Variants in RALGPS1 observed in about 807,000 individuals in gnomAD.
The protein encoded by RALGPS1 is Ral GEF with PH domain and SH3 binding motif 1, also known as ras-specific guanine nucleotide-releasing factor RalGPS1.
A neutral mutation model predicts 78.8 loss-of-function variants in RALGPS1; 19 were observed. That is an observed-to-expected ratio of 0.24 (90% CI 0.17 to 0.35). The LOEUF is 0.35. Among genes scored for constraint, RALGPS1 ranks in the 10% least tolerant of loss-of-function variants. RALGPS1 has a pLI of 1.00. For synonymous variants in RALGPS1, 228 were observed against 256.3 expected (o/e 0.89, Z 1.06); for missense variants, 454 against 688.3 (o/e 0.66, Z 3.81).
rs2036674073 is a variant in RALGPS1, at chr9:126,940,519, A to G, written c.-65-21706A>G. On this transcript the variant is annotated intron_variant, in intron 1 of 18. Coordinates refer to ENST00000259351, the MANE Select transcript of RALGPS1 (RefSeq NM_014636.3). ...CAGTGGCGCGATCTTGGCTCACTGCAAGCTCTGCCTCCCGGGTTCACGCCA... is the reference window on the plus strand; with the variant it reads ...CAGTGGCGCGATCTTGGCTCACTGCGAGCTCTGCCTCCCGGGTTCACGCCA... Among the ~76,000 whole-genome samples, 6 of 147,902 alleles carry G rather than the reference A, an allele frequency of 4.1e-5. No individual in the cohort carries two copies. The Admixed American group carries it at 4.1e-4, about 10-fold the overall frequency.
chr9:127,153,184 C>G lies in RALGPS1; in HGVS notation c.611-12885C>G, dbSNP rs79851537. On this transcript the variant is annotated intron_variant, in intron 8 of 18. Transcript: ENST00000259351. ...AATCCTACCATTGTCACAGAGTGACCTTGGGCAGATTACTTTACATCTCTG... is the reference window on the plus strand; with the variant it reads ...AATCCTACCATTGTCACAGAGTGACGTTGGGCAGATTACTTTACATCTCTG... 2.6e-5 allele frequency among the ~76,000 whole-genome samples: 4 copies of G among 152,222 alleles called. No homozygotes were observed. In the East Asian group the frequency reaches 7.7e-4, roughly 29 times the overall value.
At chr9:127,030,068 G>C (rs1284201817) in intron 4 of RALGPS1, among the ~76,000 whole-genome samples, 1 of 152,174 alleles carries the variant, frequency 6.6e-6, no homozygotes, top group African/African-American at 2.4e-5. Context: ...ATGTCTAAAT[G>C]AATTTTTTGT....
intron 8 of RALGPS1, among the ~76,000 whole-genome samples, chr9:127,114,026 A>G (rs562836109): frequency 6.6e-6 from 1 of 152,324 alleles, no homozygotes; most frequent in South Asian, 2.1e-4. Flanking sequence ...GAAATGAGAA[A>G]AGTTCCAGCA....
chr9:127,032,940 G>A (rs1353255040), intron 4 of RALGPS1, among the ~76,000 whole-genome samples: 2 of 151,980 alleles, frequency 1.3e-5, no homozygotes, highest in African/African-American at 4.8e-5. Flanking sequence ...CTCTGCTTTT[G>A]AAAAGAAGTA....
At chr9:127,112,801 C>T (rs2137294441) in intron 8 of RALGPS1, among the ~76,000 whole-genome samples, 1 of 152,346 alleles carries the variant, frequency 6.6e-6, no homozygotes, top group African/African-American at 2.4e-5. Context: ...TGGGTGTGGG[C>T]CAGGCAGTGT....
rs548469290 is a variant in RALGPS1, at chr9:127,173,282, C to T, written c.843-1433C>T. ...CCTTCATTTCCATCAGAGGAGCTGC[C>T]GTGCTCTCCACCTAGTTCCTTAGCA... On this transcript the variant is annotated intron_variant, in intron 10 of 18. Coordinates refer to ENST00000259351, the MANE Select transcript of RALGPS1 (RefSeq NM_014636.3). 2.6e-5 allele frequency among the ~76,000 whole-genome samples: 4 copies of T among 152,270 alleles called. No homozygotes were observed. In the East Asian group the frequency reaches 5.8e-4, roughly 22 times the overall value.
At chr9:126,921,769 G>C (rs182431974) in intron 1 of RALGPS1, among the ~76,000 whole-genome samples, 36 of 152,288 alleles carry the variant, frequency 2.4e-4, no homozygotes, top group Admixed American at 2.3e-3. Context: ...GCCTTTGTGT[G>C]GTTCGTACAG....
intron 1 of RALGPS1, among the ~76,000 whole-genome samples, chr9:126,952,656 A>AGAGAGAGTGT (rs1554763340): frequency 5.0e-5 from 7 of 138,920 alleles, no homozygotes; most frequent in African/African-American, 1.8e-4. Context: ...AGAGAGAGAG[A>AGAGAGAGTGT]GTGTGTGTGT....
At chr9:127,148,452 A>G (rs1414382017) in intron 8 of RALGPS1, among the ~76,000 whole-genome samples, 3 of 152,248 alleles carry the variant, frequency 2.0e-5, no homozygotes, top group African/African-American at 7.2e-5. Flanking sequence ...TTAGCTGAGA[A>G]AGTGCTTAGC....
At chr9:127,050,156 C>G in intron 6 of RALGPS1, 24 bp downstream of exon 6, 2 of 1,542,360 alleles carry the variant, frequency 1.3e-6, no homozygotes, top group Non-Finnish European at 1.8e-6. Context: ...TATTATTTTT[C>G]CTTCCTTTCC....
chr9:127,047,707 A>C (rs2047934126), intron 5 of RALGPS1, among the ~76,000 whole-genome samples: 1 of 151,894 alleles, frequency 6.6e-6, no homozygotes, highest in Non-Finnish European at 1.5e-5. Context: ...TCAAAAAAAA[A>C]AAAAAAGGAA....
At chr9:127,085,265 G>A (rs1343993953) in intron 8 of RALGPS1, among the ~76,000 whole-genome samples, 1 of 152,130 alleles carries the variant, frequency 6.6e-6, no homozygotes, top group Non-Finnish European at 1.5e-5. Flanking sequence ...AGAAAGTCTG[G>A]GCTTCATTGA....
intron 8 of RALGPS1, among the ~76,000 whole-genome samples, chr9:127,083,902 C>CTTGTTTGT (rs779587923): frequency 6.6e-6 from 1 of 151,952 alleles, no homozygotes; most frequent in Non-Finnish European, 1.5e-5. Context: ...AGATGGTCAG[C>CTTGTTTGT]TTGTTTGTTT....
At chr9:127,072,166 T>G (rs1007927995) in intron 8 of RALGPS1, among the ~76,000 whole-genome samples, 14 of 152,380 alleles carry the variant, frequency 9.2e-5, no homozygotes, top group African/African-American at 3.4e-4. Context: ...ACTTCATTCC[T>G]TCTTATTGCC....
intron 14 of RALGPS1, chr9:127,210,625 G>A (rs2062194835): frequency 2.5e-6 from 3 of 1,186,634 alleles, no homozygotes; most frequent in Non-Finnish European, 3.7e-6. Flanking sequence ...TTGTCGGGGT[G>A]CTCTTGCCTC....
rs1382737649 is a variant in RALGPS1 at position 126,997,323 on chromosome 9, G to A, written c.216+19578G>A. On this transcript the variant is annotated intron_variant, in intron 4 of 18. Transcript: ENST00000259351. ...AAATCTCCTCAAGCTGATAACTTCA[G>A]CAAAGTCTCAGGATTCAAAATCAAT... is the stretch of plus-strand genomic sequence containing the variant. Among the ~76,000 whole-genome samples the A allele has an allele frequency of 7.2e-5, 11 of 152,342 alleles. No homozygotes were observed. The East Asian group carries it at 1.9e-3, about 27-fold the overall frequency.
chr9:127,114,973 A>G (rs2055243862), intron 8 of RALGPS1, among the ~76,000 whole-genome samples: 1 of 152,210 alleles, frequency 6.6e-6, no homozygotes, highest in Admixed American at 6.5e-5. Flanking sequence ...GAAGTATCCA[A>G]ACCAGTTGGT....
chr9:127,177,260 T>C (rs2059933531), intron 11 of RALGPS1, among the ~76,000 whole-genome samples: 1 of 152,090 alleles, frequency 6.6e-6, no homozygotes, highest in Non-Finnish European at 1.5e-5. Context: ...TGGTATACAC[T>C]AGCCCAAGTG....
intron 8 of RALGPS1, among the ~76,000 whole-genome samples, chr9:127,139,591 G>A (rs1162463389): frequency 6.6e-6 from 1 of 152,242 alleles, no homozygotes; most frequent in African/African-American, 2.4e-5. Flanking sequence ...GCAAGGGGAG[G>A]AGAAGCAGAA....
Sources: gnomAD v4.1 joint callset for allele counts (sites outside exome capture counted in the v4.1 genomes callset) on GRCh38, gnomAD v4.1.1 for gene constraint, MANE v1.5 for transcripts, NCBI Gene and HGNC (gene_info 2026-07-23, HGNC 2026-07-21) for gene names.